FBXO11: variants seen among roughly 807,000 people sequenced by gnomAD.
The protein encoded by FBXO11 is F-box protein 11.
A neutral mutation model predicts 117.0 loss-of-function variants in FBXO11; 13 were observed. That is an observed-to-expected ratio of 0.11 (90% confidence interval 0.07 to 0.18). FBXO11 has a LOEUF of 0.18. Ranked by LOEUF, FBXO11 falls within the 10% of genes least tolerant of loss-of-function variation. FBXO11 has a pLI of 1.00. For synonymous variants in FBXO11, 490 were observed against 380.5 expected (o/e 1.29, Z -3.35); for missense variants, 767 against 1,164.4 (o/e 0.66, Z 4.97).
chr2:47,834,535 T>C, intron 7 of FBXO11, 44 bp downstream of exon 7: 2 of 1,441,150 alleles, frequency 1.4e-6, no homozygotes, highest in East Asian at 2.4e-5. Flanking sequence ...ATCACATAAA[T>C]GAGTAAAATA....
At chr2:47,859,677 G>GT (rs1674601263) in intron 1 of FBXO11, among the ~76,000 whole-genome samples, 2 of 152,170 alleles carry the variant, frequency 1.3e-5, no homozygotes, top group Non-Finnish European at 2.9e-5. Flanking sequence ...TAGCTGGGGG[G>GT]TTTACACCCT....
At chr2:47,859,221 G>A (rs1172488059) in intron 1 of FBXO11, among the ~76,000 whole-genome samples, 2 of 151,930 alleles carry the variant, frequency 1.3e-5, no homozygotes, top group Admixed American at 6.6e-5. Flanking sequence ...TCTAGGATGC[G>A]ATGTATAAGC....
intron 12 of FBXO11, among the ~76,000 whole-genome samples, chr2:47,822,563 TG>T (rs1671466613): frequency 6.6e-6 from 1 of 152,238 alleles, no homozygotes; most frequent in Non-Finnish European, 1.5e-5. Context: ...AAACATTTGA[TG>T]ACTATTAACA....
At chr2:47,827,176 T>TAC (rs1242400351) in intron 11 of FBXO11, among the ~76,000 whole-genome samples, 1 of 152,246 alleles carries the variant, frequency 6.6e-6, no homozygotes, top group African/African-American at 2.4e-5. Context: ...GAGAAGCCTC[T>TAC]ACATTGGCAC....
At chr2:47,848,498 A>T (rs944771689) in intron 1 of FBXO11, among the ~76,000 whole-genome samples, 5 of 152,212 alleles carry the variant, frequency 3.3e-5, no homozygotes, top group African/African-American at 1.2e-4. Flanking sequence ...CCATAAAACC[A>T]GTCATTGGTG....
chr2:47,841,348 G>A lies in FBXO11; in HGVS notation c.233-1579C>T, dbSNP rs536542936. 1.2e-3 allele frequency among the ~76,000 whole-genome samples: 183 copies of A among 152,180 alleles called. 1 individual carries two copies. Among genetic ancestry groups the A allele is most frequent in the African/African-American group, 4.2e-3 (174 of 41,478 alleles). On this transcript the variant is annotated intron_variant, in intron 1 of 22. Coordinates refer to ENST00000403359, the MANE Select transcript of FBXO11 (RefSeq NM_001190274.2). ...TATAGAAACATTCCAGTAATGAAGG[G>A]ATAATAAAATTAGAGAATCACCATT... is the stretch of plus-strand genomic sequence containing the variant.
chr2:47,846,738 TATATC>T (rs146142156), intron 1 of FBXO11, among the ~76,000 whole-genome samples: 11,095 of 152,208 alleles, frequency 0.073, 445 homozygotes, highest in African/African-American at 0.11. Context: ...AAATCTGAAA[TATATC>T]ATTTCAATAT....
intron 19 of FBXO11, 93 bp from the exon 20 acceptor site, chr2:47,809,800 TAGAAGTAC>T: frequency 1.3e-6 from 1 of 759,486 alleles, no homozygotes; most frequent in Non-Finnish European, 2.2e-6. Flanking sequence ...GCTTCTTTTA[TAGAAGTAC>T]ATTAACCCTC....
At position 47,817,468 on chromosome 2, in the gene FBXO11, C is replaced by CT. The variant is rs570554592; in HGVS notation, c.2006+1310dup. Among the ~76,000 whole-genome samples the CT allele has an allele frequency of 3.9e-3, 592 of 152,286 alleles. 9 individuals carry two copies. The highest frequency in any genetic ancestry group is 2.4e-3 in the Non-Finnish European group (165 of 68,012). On this transcript the variant is annotated intron_variant, in intron 16 of 22. Transcript: ENST00000403359. ...CTTTGCTTTATCATTCATGTGTTTA[C>CT]TGGAATAGCATTTTTAATTTCTTTC...
At chr2:47,872,541 C>T (rs1403093132) in intron 1 of FBXO11, among the ~76,000 whole-genome samples, 1 of 152,192 alleles carries the variant, frequency 6.6e-6, no homozygotes, top group Non-Finnish European at 1.5e-5. Flanking sequence ...CCAGAGTGGT[C>T]TAAAACTCCT....
chr2:47,813,448 T>TTTTTGTTTTTTTTTTTTTG (rs1491382603), intron 17 of FBXO11, 71 bp from the exon 18 acceptor site: 1 of 922,404 alleles, frequency 1.1e-6, no homozygotes, highest in Non-Finnish European at 1.5e-6. Flanking sequence ...TTTTTTTTTT[T>TTTTTGTTTTTTTTTTTTTG]GAGACAGAGT....
At chr2:47,836,349 T>A (rs1292434896) in intron 4 of FBXO11, among the ~76,000 whole-genome samples, 1 of 152,176 alleles carries the variant, frequency 6.6e-6, no homozygotes, top group East Asian at 1.9e-4. Context: ...TCAGTGTAGT[T>A]GCATATGGAA....
intron 1 of FBXO11, among the ~76,000 whole-genome samples, chr2:47,903,413 C>T (rs1352153552): frequency 2.0e-5 from 3 of 152,146 alleles, no homozygotes; most frequent in African/African-American, 7.2e-5. Context: ...AATTTGGATT[C>T]ATGAATATTG....
chr2:47,832,243 T>C, intron 11 of FBXO11, 106 bp downstream of exon 11: 1 of 910,944 alleles, frequency 1.1e-6, no homozygotes, highest in Non-Finnish European at 1.6e-6. Context: ...TTTAAACCTA[T>C]ACTCTTCAAT....
intron 1 of FBXO11, among the ~76,000 whole-genome samples, chr2:47,861,009 T>C (rs113616510): frequency 0.15 from 23,318 of 151,882 alleles, 1,924 homozygotes; most frequent in Non-Finnish European, 0.18. Flanking sequence ...AGTCACTACG[T>C]CCAGCTAAGT....
chr2:47,866,375 A>C (rs1215468290), intron 1 of FBXO11, among the ~76,000 whole-genome samples: 1 of 152,006 alleles, frequency 6.6e-6, no homozygotes, highest in Admixed American at 6.6e-5. Context: ...CTACAAAATG[A>C]GGGTGCTGTG....
chr2:47,877,522 G>C (rs1194917476), intron 1 of FBXO11, among the ~76,000 whole-genome samples: 2 of 152,008 alleles, frequency 1.3e-5, no homozygotes. Context: ...GTTATTTTAG[G>C]TTTAGTTTTT....
At chr2:47,897,416 G>C (rs1040304407) in intron 1 of FBXO11, among the ~76,000 whole-genome samples, 3 of 152,192 alleles carry the variant, frequency 2.0e-5, no homozygotes, top group Non-Finnish European at 4.4e-5. Context: ...AAAACTTCTG[G>C]TCGGGTGAGG....
At chr2:47,823,081 T>A in intron 12 of FBXO11, 62 bp downstream of exon 12, 1 of 1,234,252 alleles carries the variant, frequency 8.1e-7, no homozygotes, top group Non-Finnish European at 1.1e-6. Context: ...GCTCAATATC[T>A]TGACTTTTAA....
Sources: allele counts gnomAD v4.1 joint callset (sites outside exome capture counted in the v4.1 genomes callset), GRCh38; gene constraint gnomAD v4.1.1; transcripts MANE v1.5; gene names NCBI Gene and HGNC (gene_info 2026-07-23, HGNC 2026-07-21).